Variants in ABTB3 observed in about 807,000 individuals in gnomAD.
ABTB3 encodes ankyrin repeat- and BTB/POZ domain-containing protein 3.
the ABTB3 span, among the ~76,000 whole-genome samples, chr12:107,342,515 T>G: frequency 6.6e-6 from 1 of 152,122 alleles, no homozygotes; most frequent in Non-Finnish European, 1.5e-5. Flanking sequence ...ATGGTCAACC[T>G]TCTTATCGGA....
chr12:107,468,560 G>A, the ABTB3 span, among the ~76,000 whole-genome samples: 1 of 152,138 alleles, frequency 6.6e-6, no homozygotes, highest in African/African-American at 2.4e-5. Context: ...TTGAGGCTGG[G>A]TGAGAGAGAA....
At chr12:107,631,205 G>T in the ABTB3 span, among the ~76,000 whole-genome samples, 3 of 152,164 alleles carry the variant, frequency 2.0e-5, no homozygotes, top group South Asian at 6.2e-4. Flanking sequence ...TGGGGTATTT[G>T]GTTTTCTGTT....
At chr12:107,579,541 GC>G in the ABTB3 span, among the ~76,000 whole-genome samples, 8 of 152,182 alleles carry the variant, frequency 5.3e-5, no homozygotes, top group African/African-American at 1.4e-4. Context: ...AAATGGCTGA[GC>G]TGCTGAATAT....
At chr12:107,568,824 G>A in the ABTB3 span, among the ~76,000 whole-genome samples, 2,334 of 150,272 alleles carry the variant, frequency 0.016, 58 homozygotes, top group African/African-American at 0.052. Flanking sequence ...TGAAGACACC[G>A]AAGCCCAGGG....
At chr12:107,403,970 C>G in the ABTB3 span, among the ~76,000 whole-genome samples, 1 of 151,910 alleles carries the variant, frequency 6.6e-6, no homozygotes. Flanking sequence ...CGAGACCAGC[C>G]TGGTCAATAT....
the ABTB3 span, among the ~76,000 whole-genome samples, chr12:107,390,040 A>G: frequency 3.9e-5 from 6 of 152,148 alleles, no homozygotes; most frequent in Non-Finnish European, 8.8e-5. Flanking sequence ...CAAAAGCAGA[A>G]GCTGCCATGC....
chr12:107,482,916 CTTT>C, the ABTB3 span, among the ~76,000 whole-genome samples: 126 of 43,856 alleles, frequency 2.9e-3, 2 homozygotes, highest in African/African-American at 0.016. Flanking sequence ...CTTTCTTCTT[CTTT>C]CTTTCTTTCT....
chr12:107,428,832 G>C, the ABTB3 span, among the ~76,000 whole-genome samples: 1 of 152,240 alleles, frequency 6.6e-6, no homozygotes, highest in African/African-American at 2.4e-5. Flanking sequence ...CACCGTGATA[G>C]GCCAGCAGCA....
At chr12:107,459,867 G>A in the ABTB3 span, among the ~76,000 whole-genome samples, 1 of 152,252 alleles carries the variant, frequency 6.6e-6, no homozygotes, top group Admixed American at 6.5e-5. Context: ...GCCCCCTACA[G>A]CCCGACTGAG....
At chr12:107,543,642 G>A in the ABTB3 span, among the ~76,000 whole-genome samples, 1 of 152,078 alleles carries the variant, frequency 6.6e-6, no homozygotes, top group East Asian at 1.9e-4. Context: ...TGCAGGAACG[G>A]GACGCAAAGG....
the ABTB3 span, among the ~76,000 whole-genome samples, chr12:107,399,542 G>T: frequency 6.6e-6 from 1 of 152,064 alleles, no homozygotes; most frequent in African/African-American, 2.4e-5. Flanking sequence ...CCTCATTTTG[G>T]GCATGAGCTC....
At chr12:107,485,695 T>G in the ABTB3 span, among the ~76,000 whole-genome samples, 6 of 152,340 alleles carry the variant, frequency 3.9e-5, no homozygotes, top group African/African-American at 1.2e-4. Flanking sequence ...TGATTTCTTC[T>G]TTTTTATGTT....
the ABTB3 span, among the ~76,000 whole-genome samples, chr12:107,342,065 GT>G: frequency 1.3e-5 from 2 of 152,100 alleles, no homozygotes; most frequent in Non-Finnish European, 2.9e-5. Context: ...ATTAATAGCA[GT>G]GCAAGAACAG....
chr12:107,470,144 T>C, the ABTB3 span, among the ~76,000 whole-genome samples: 1 of 151,510 alleles, frequency 6.6e-6, no homozygotes, highest in Non-Finnish European at 1.5e-5. Flanking sequence ...GCTCAAGTGA[T>C]TCTCATGCCT....
chr12:107,643,539 A>C, the ABTB3 span, among the ~76,000 whole-genome samples: 1 of 151,870 alleles, frequency 6.6e-6, no homozygotes, highest in African/African-American at 2.4e-5. Context: ...CCAGACATCC[A>C]AGTGCCCATG....
the ABTB3 span, among the ~76,000 whole-genome samples, chr12:107,451,679 C>T: frequency 6.6e-6 from 1 of 151,330 alleles, no homozygotes; most frequent in Non-Finnish European, 1.5e-5. Flanking sequence ...ACCTTTCCTT[C>T]CCCCCAGTTT....
the ABTB3 span, among the ~76,000 whole-genome samples, chr12:107,481,883 GTCTCTCTCTCTCTC>G: frequency 0.013 from 1,433 of 108,322 alleles, 30 homozygotes; most frequent in African/African-American, 0.048. Flanking sequence ...GAAATCAAGA[GTCTCTCTCTCTCTC>G]TCTCTCTCTC....
the ABTB3 span, among the ~76,000 whole-genome samples, chr12:107,350,668 C>G: frequency 0.012 from 1,783 of 152,234 alleles, 16 homozygotes; most frequent in Middle Eastern, 0.041. Context: ...TAAAAAATTT[C>G]CAAAGCATCT....
chr12:107,530,453 C>G, the ABTB3 span, among the ~76,000 whole-genome samples: 1 of 152,160 alleles, frequency 6.6e-6, no homozygotes, highest in Non-Finnish European at 1.5e-5. Context: ...ATTCAAAGTT[C>G]AGAAATTACA....
Sources: gnomAD v4.1 joint callset for allele counts (sites outside exome capture counted in the v4.1 genomes callset) on GRCh38, gnomAD v4.1.1 for gene constraint, MANE v1.5 for transcripts, NCBI Gene and HGNC (gene_info 2026-07-23, HGNC 2026-07-21) for gene names.